The following NKAIN2 variants were observed in gnomAD, a reference collection of about 807,000 sequenced individuals.
NKAIN2 encodes the protein sodium/potassium-transporting ATPase subunit beta-1-interacting protein 2.
In NKAIN2, 14 loss-of-function variants were observed where a neutral mutation model predicts 32.6. That is an observed-to-expected ratio of 0.43 (90% CI 0.28 to 0.67). The LOEUF is 0.67. Among genes scored for constraint, NKAIN2 ranks in the 30% least tolerant of loss-of-function variants. The pLI, the probability that NKAIN2 is intolerant of heterozygous loss-of-function variation, is 0.17. For missense variants in NKAIN2, 198 were observed against 258.3 expected (o/e 0.77, Z 1.60); for synonymous variants, 80 against 87.2 (o/e 0.92, Z 0.46).
chr6:124,560,415 A>T (rs1199703000), intron 3 of NKAIN2, among the ~76,000 whole-genome samples: 1 of 152,220 alleles, frequency 6.6e-6, no homozygotes, highest in East Asian at 1.9e-4. Flanking sequence ...TCTTTCCTTT[A>T]TAAATTACAC....
chr6:124,123,533 G>C (rs1271600829), intron 1 of NKAIN2, among the ~76,000 whole-genome samples: 1 of 151,942 alleles, frequency 6.6e-6, no homozygotes, highest in Non-Finnish European at 1.5e-5. Context: ...TTTTTGCATA[G>C]ATGTGCATTT....
intron 2 of NKAIN2, among the ~76,000 whole-genome samples, chr6:124,285,822 A>G (rs1160805953): frequency 1.3e-5 from 2 of 152,184 alleles, no homozygotes; most frequent in African/African-American, 2.4e-5. Context: ...ATTAACACAT[A>G]TTTAATATGT....
rs141192405 is a variant in NKAIN2, at chr6:123,928,692, T to C, written c.54+124438T>C. On this transcript the variant is annotated intron_variant, in intron 1 of 6. Coordinates refer to ENST00000368417, the MANE Select transcript of NKAIN2 (RefSeq NM_001040214.3). ...AGAAGAGTGAATTGTTTAACCACTTTGTAAAAACAATCTGGCAGTGTTTAC... is the reference window on the plus strand; with the variant it reads ...AGAAGAGTGAATTGTTTAACCACTTCGTAAAAACAATCTGGCAGTGTTTAC... 2.1e-3 allele frequency among the ~76,000 whole-genome samples: 324 copies of C among 152,308 alleles called. 2 individuals are homozygous for C. The highest frequency in any genetic ancestry group is 7.1e-3 in the African/African-American group (296 of 41,574).
At chr6:124,316,594 G>T (rs191738705) in intron 2 of NKAIN2, among the ~76,000 whole-genome samples, 27 of 152,234 alleles carry the variant, frequency 1.8e-4, no homozygotes, top group African/African-American at 6.5e-4. Flanking sequence ...AATGAAAGTT[G>T]AAAAGAGGGA....
chr6:123,959,876 A>T (rs1426065445), intron 1 of NKAIN2, among the ~76,000 whole-genome samples: 2 of 151,602 alleles, frequency 1.3e-5, no homozygotes, highest in African/African-American at 4.9e-5. Flanking sequence ...CCTAGGCAAC[A>T]GTGCAAGTTC....
intron 3 of NKAIN2, among the ~76,000 whole-genome samples, chr6:124,441,941 G>T (rs1775706250): frequency 6.6e-6 from 1 of 150,980 alleles, no homozygotes; most frequent in African/African-American, 2.5e-5. Context: ...GCAGTAACTA[G>T]ATAATTTTTG....
At chr6:124,033,265 G>A (rs1409598618) in intron 1 of NKAIN2, among the ~76,000 whole-genome samples, 3 of 152,076 alleles carry the variant, frequency 2.0e-5, no homozygotes, top group Middle Eastern at 3.2e-3. Context: ...AGTTAATTGT[G>A]TTGCATTAAT....
intron 4 of NKAIN2, among the ~76,000 whole-genome samples, chr6:124,776,231 G>T (rs1778977585): frequency 6.6e-6 from 1 of 152,218 alleles, no homozygotes; most frequent in East Asian, 1.9e-4. Flanking sequence ...CATAACTATG[G>T]ACTTTATATT....
intron 1 of NKAIN2, among the ~76,000 whole-genome samples, chr6:123,998,739 CTCTCTG>C (rs755700011): frequency 1.1e-5 from 1 of 93,794 alleles, no homozygotes; most frequent in Admixed American, 1.4e-4. Context: ...TTCTCTCTCT[CTCTCTG>C]TGTGTGTGTG....
At chr6:124,615,776 C>A (rs533357734) in intron 3 of NKAIN2, among the ~76,000 whole-genome samples, 1 of 152,140 alleles carries the variant, frequency 6.6e-6, no homozygotes, top group Admixed American at 6.5e-5. Context: ...AAATAATGGT[C>A]ATTTTTATAT....
intron 1 of NKAIN2, among the ~76,000 whole-genome samples, chr6:124,264,237 T>C (rs1457775921): frequency 1.1e-4 from 16 of 152,190 alleles, no homozygotes; most frequent in Admixed American, 1.0e-3. Flanking sequence ...GTTTAAACTC[T>C]CCTTTTGGAT....
At chr6:123,923,347 C>T (rs1775846765) in intron 1 of NKAIN2, among the ~76,000 whole-genome samples, 1 of 151,250 alleles carries the variant, frequency 6.6e-6, no homozygotes, top group Non-Finnish European at 1.5e-5. Flanking sequence ...TAACTTTTCA[C>T]TATAAGCTTT....
chr6:124,358,668 A>G (rs909212744), intron 3 of NKAIN2, among the ~76,000 whole-genome samples: 3 of 152,154 alleles, frequency 2.0e-5, no homozygotes, highest in Middle Eastern at 3.4e-3. Context: ...GATTCTGGAT[A>G]TTGGCCCTTT....
chr6:124,253,157 A>G (rs766426677), intron 1 of NKAIN2, among the ~76,000 whole-genome samples: 5 of 152,142 alleles, frequency 3.3e-5, no homozygotes, highest in African/African-American at 9.6e-5. Context: ...ATTTATTTCA[A>G]TTGGTCTTTT....
intron 4 of NKAIN2, among the ~76,000 whole-genome samples, chr6:124,751,968 C>T (rs1777743968): frequency 6.6e-6 from 1 of 151,948 alleles, no homozygotes; most frequent in Non-Finnish European, 1.5e-5. Flanking sequence ...GGTGACAGAG[C>T]AAGACTCTGT....
At chr6:124,092,267 A>G (rs1448903030) in intron 1 of NKAIN2, among the ~76,000 whole-genome samples, 2 of 152,012 alleles carry the variant, frequency 1.3e-5, no homozygotes, top group Non-Finnish European at 2.9e-5. Context: ...CTAATTGCCC[A>G]TATTTTATTA....
intron 3 of NKAIN2, among the ~76,000 whole-genome samples, chr6:124,617,178 T>C (rs1782938927): frequency 6.6e-6 from 1 of 152,246 alleles, no homozygotes. Context: ...TTACAAATAG[T>C]TGCTCTTTTA....
At position 124,524,559 on chromosome 6, in the gene NKAIN2, G is replaced by A. The variant is rs566753752; in HGVS notation, c.274-133627G>A. The stretch of plus-strand genomic sequence containing the variant: ...ATATGTTTTCCAAATATTTTCACAT[G>A]CATTGTTGCATTTGCACTCCAGAAA... On this transcript the variant is annotated intron_variant, in intron 3 of 6. Transcript: ENST00000368417. Among the ~76,000 whole-genome samples the A allele has an allele frequency of 1.8e-3, 277 of 152,108 alleles. 1 individual carries two copies. The highest frequency in any genetic ancestry group is 6.5e-3 in the African/African-American group (269 of 41,490).
chr6:124,368,158 A>T (rs376072808), intron 3 of NKAIN2, among the ~76,000 whole-genome samples: 10 of 152,002 alleles, frequency 6.6e-5, no homozygotes, highest in Middle Eastern at 3.2e-3. Context: ...CTTTATTTTC[A>T]TTATAATTGA....
Sources: allele counts gnomAD v4.1 joint callset (sites outside exome capture counted in the v4.1 genomes callset), GRCh38; gene constraint gnomAD v4.1.1; transcripts MANE v1.5; gene names NCBI Gene and HGNC (gene_info 2026-07-23, HGNC 2026-07-21).